The following GPC5 variants were observed in gnomAD, a reference collection of about 807,000 sequenced individuals.
GPC5 encodes glypican-5.
In GPC5, 47 loss-of-function variants were observed where a neutral mutation model predicts 53.9. The ratio of observed to expected loss-of-function variants is 0.87; its 90% CI spans 0.69 to 1.11. The LOEUF is 1.11. Among genes scored for constraint, GPC5 ranks in the 50% most tolerant of loss-of-function variants. The pLI is 0.00. For synonymous variants in GPC5, 286 were observed against 263.3 expected (o/e 1.09, Z -0.84); for missense variants, 748 against 713.1 (o/e 1.05, Z -0.56).
intron 7 of GPC5, chr13:92,340,652 C>T (rs1013650245): frequency 1.3e-5 from 2 of 152,040 alleles, no homozygotes; most frequent in African/African-American, 2.4e-5. Flanking sequence ...ATTTTAATTG[C>T]TTTTTCTTTG....
chr13:91,934,859 A>T (rs1158021588), intron 6 of GPC5, among the ~76,000 whole-genome samples: 3 of 151,990 alleles, frequency 2.0e-5, no homozygotes, highest in Non-Finnish European at 4.4e-5. Flanking sequence ...ACATACCAAC[A>T]TTGACCACAA....
intron 7 of GPC5, among the ~76,000 whole-genome samples, chr13:92,577,727 A>G (rs1156609841): frequency 6.6e-6 from 1 of 152,162 alleles, no homozygotes; most frequent in Non-Finnish European, 1.5e-5. Context: ...AAAGTACAAA[A>G]TCTCATCATG....
chr13:92,704,042 T>C (rs180979952), intron 7 of GPC5, among the ~76,000 whole-genome samples: 120 of 152,206 alleles, frequency 7.9e-4, no homozygotes, highest in African/African-American at 2.7e-3. Context: ...AAATAAAATA[T>C]GTTAACTTGG....
intron 5 of GPC5, among the ~76,000 whole-genome samples, chr13:91,861,658 A>G (rs1325642736): frequency 2.0e-5 from 3 of 150,750 alleles, no homozygotes; most frequent in African/African-American, 4.8e-5. Flanking sequence ...TTTCTTGTCT[A>G]ATATGACAAT....
chr13:92,104,978 A>T (rs1315793781), intron 6 of GPC5, among the ~76,000 whole-genome samples: 1 of 152,198 alleles, frequency 6.6e-6, no homozygotes. Context: ...GAACTGATCC[A>T]AACTTCTGTG....
intron 7 of GPC5, among the ~76,000 whole-genome samples, chr13:92,252,364 G>T (rs1037092164): frequency 2.6e-5 from 4 of 152,090 alleles, no homozygotes; most frequent in African/African-American, 7.2e-5. Flanking sequence ...GCAAACACAT[G>T]TGAGAAAGAA....
At chr13:92,606,002 C>A (rs1221531548) in intron 7 of GPC5, among the ~76,000 whole-genome samples, 1 of 152,064 alleles carries the variant, frequency 6.6e-6, no homozygotes, top group Admixed American at 6.5e-5. Flanking sequence ...ATTTTCAAAG[C>A]TATTTTAAGA....
At chr13:92,356,033 C>G (rs2043518881) in intron 7 of GPC5, among the ~76,000 whole-genome samples, 1 of 152,098 alleles carries the variant, frequency 6.6e-6, no homozygotes, top group Admixed American at 6.6e-5. Flanking sequence ...AAAACTTTTA[C>G]CCTATTTTAG....
At chr13:91,482,398 T>C (rs1469154638) in intron 2 of GPC5, among the ~76,000 whole-genome samples, 1 of 152,146 alleles carries the variant, frequency 6.6e-6, no homozygotes, top group East Asian at 1.9e-4. Context: ...GAGGAATACA[T>C]TTCTGTTCTT....
At chr13:92,785,528 A>G (rs1272193698) in intron 7 of GPC5, among the ~76,000 whole-genome samples, 1 of 152,178 alleles carries the variant, frequency 6.6e-6, no homozygotes, top group Non-Finnish European at 1.5e-5. Context: ...CATCAATGCA[A>G]TTGAGACTAC....
intron 2 of GPC5, among the ~76,000 whole-genome samples, chr13:91,539,311 A>T (rs1441767140): frequency 6.6e-6 from 1 of 152,146 alleles, no homozygotes; most frequent in Non-Finnish European, 1.5e-5. Context: ...TGAGTGGGGA[A>T]ATTATTGGAT....
At chr13:92,713,675 G>A (rs1172375817) in intron 7 of GPC5, among the ~76,000 whole-genome samples, 2 of 150,856 alleles carry the variant, frequency 1.3e-5, no homozygotes, top group Non-Finnish European at 2.9e-5. Flanking sequence ...AATGAGATGA[G>A]ATGACACTAC....
At position 91,693,282 on chromosome 13, in the gene GPC5, G is replaced by GT; in HGVS notation, c.423dup (p.Gln142SerfsTer6). ...CATGGCCTTGGAGGCTGCTGCTTCG[G>GT]TTCAGGAGTTCTTCACTGATGTGGG... On this transcript the variant is annotated frameshift_variant, in exon 3 of 8. Coordinates refer to ENST00000377067, the MANE Select transcript of GPC5 (RefSeq NM_004466.6). LOFTEE classifies it high-confidence loss of function. 1 of 1,614,082 alleles carries GT rather than the reference G, an allele frequency of 6.2e-7. No individual in the cohort carries two copies. Among genetic ancestry groups the GT allele is most frequent in the Non-Finnish European group, 8.5e-7 (1 of 1,180,000 alleles).
At chr13:91,566,703 A>C (rs548468689) in intron 2 of GPC5, among the ~76,000 whole-genome samples, 1 of 152,300 alleles carries the variant, frequency 6.6e-6, no homozygotes, top group African/African-American at 2.4e-5. Context: ...GAAACATAGC[A>C]GACTAATATT....
chr13:92,730,013 A>G lies in GPC5; in HGVS notation c.1562-136269A>G, dbSNP rs916555373. Among the ~76,000 whole-genome samples, 40 of 151,450 alleles carry G rather than the reference A, an allele frequency of 2.6e-4. No individual in the cohort carries two copies. In the Admixed American group the frequency reaches 2.6e-3, roughly 10 times the overall value. ...TTAATGTGTCTAAGGACAAGGAAAT[A>G]GAAATATAAACGAATTATAGCCACT... On this transcript the variant is annotated intron_variant, in intron 7 of 7. Transcript: ENST00000377067.
chr13:92,767,992 T>C (rs1026766718), intron 7 of GPC5, among the ~76,000 whole-genome samples: 4 of 152,206 alleles, frequency 2.6e-5, no homozygotes, highest in Admixed American at 6.5e-5. Flanking sequence ...AAGTAATACA[T>C]GTAGAAACAC....
intron 7 of GPC5, among the ~76,000 whole-genome samples, chr13:92,753,665 G>T (rs565311006): frequency 6.6e-6 from 1 of 152,078 alleles, no homozygotes; most frequent in Non-Finnish European, 1.5e-5. Flanking sequence ...ACCAAGGCTC[G>T]AGAACTACGT....
intron 7 of GPC5, among the ~76,000 whole-genome samples, chr13:92,749,711 C>T (rs1251459055): frequency 6.6e-6 from 1 of 152,056 alleles, no homozygotes; most frequent in Non-Finnish European, 1.5e-5. Context: ...CAATAAAATG[C>T]AGGAGGTGCA....
At chr13:92,145,460 A>C (rs186739658) in intron 7 of GPC5, among the ~76,000 whole-genome samples, 4 of 152,224 alleles carry the variant, frequency 2.6e-5, no homozygotes, top group Admixed American at 2.6e-4. Flanking sequence ...ACTTGGATTT[A>C]ATGCTTATGA....
Sources: gnomAD v4.1 joint callset for allele counts (sites outside exome capture counted in the v4.1 genomes callset) on GRCh38, gnomAD v4.1.1 for gene constraint, MANE v1.5 for transcripts, NCBI Gene and HGNC (gene_info 2026-07-23, HGNC 2026-07-21) for gene names.